MAGI1: variants seen among roughly 807,000 people sequenced by gnomAD.
MAGI1 encodes membrane-associated guanylate kinase, WW and PDZ domain-containing protein 1.
A neutral mutation model predicts 139.9 loss-of-function variants in MAGI1; 58 were observed. That is an observed-to-expected ratio of 0.41 (90% CI 0.34 to 0.52). MAGI1 has a LOEUF of 0.52. MAGI1 is among the 20% of genes least tolerant of loss of function. The probability of loss-of-function intolerance (pLI) is 0.12; values close to 1 mark genes in which losing one functional copy is unlikely to be tolerated. For missense variants in MAGI1, 1,874 were observed against 1,901.6 expected, an observed-to-expected ratio of 0.99 and a Z score of 0.27; for synonymous variants, 812 against 737.9, an observed-to-expected ratio of 1.10 and a Z score of -1.63.
chr3:65,709,564 T>C (rs1011195954), intron 1 of MAGI1, among the ~76,000 whole-genome samples: 1 of 152,172 alleles, frequency 6.6e-6, no homozygotes, highest in African/African-American at 2.4e-5. Context: ...GATACCAAAT[T>C]AGAGACAACA....
At position 65,379,548 on chromosome 3, in the gene MAGI1, T is replaced by C. The variant is rs748935727; in HGVS notation, c.2708A>G (p.Lys903Arg). The change falls in exon 17 of 23, where the codon AAA (lysine) becomes AGA (arginine). Residue 903 changes from lysine (K) to arginine (R), a missense_variant. This residue lies in a region of MAGI1 where 482 missense variants were observed against 509.6 expected (regional missense o/e 0.95). Transcript: ENST00000402939. ...VRRKVVFAVP[K>R]TENEVPSPAS... ...TGGCGAGGGCACCTCGTTCTCGGTT[T>C]TGGGCACTGTAGCAGAGAGATGCAC... 7.5e-6 allele frequency: 12 copies of C among 1,608,580 alleles called. 1 individual carries two copies. The South Asian group carries it at 1.2e-4, about 16-fold the overall frequency.
intron 1 of MAGI1, among the ~76,000 whole-genome samples, chr3:65,805,330 T>C (rs922741548): frequency 7.2e-5 from 11 of 152,206 alleles, no homozygotes; most frequent in African/African-American, 1.9e-4. Flanking sequence ...AACAAACGTA[T>C]GAAAAAAAGC....
intron 2 of MAGI1, among the ~76,000 whole-genome samples, chr3:65,525,504 G>C (rs2078340771): frequency 6.6e-6 from 1 of 152,158 alleles, no homozygotes; most frequent in Admixed American, 6.5e-5. Context: ...ACAGTAATCT[G>C]AGAAATGTTC....
intron 1 of MAGI1, among the ~76,000 whole-genome samples, chr3:65,664,443 G>A (rs1331921697): frequency 6.6e-6 from 1 of 152,158 alleles, no homozygotes; most frequent in African/African-American, 2.4e-5. Context: ...CTACAAGGTA[G>A]CTTCTGATAT....
intron 4 of MAGI1, among the ~76,000 whole-genome samples, chr3:65,475,183 T>A (rs1288804085): frequency 6.6e-6 from 1 of 152,116 alleles, no homozygotes; most frequent in African/African-American, 2.4e-5. Context: ...TCTGTTACTT[T>A]TTAGTTGTGG....
At chr3:65,966,705 G>A (rs956014039) in intron 1 of MAGI1, among the ~76,000 whole-genome samples, 1 of 152,122 alleles carries the variant, frequency 6.6e-6, no homozygotes, top group Non-Finnish European at 1.5e-5. Context: ...TGCTAATTAC[G>A]AGGCATCAGC....
intron 12 of MAGI1, among the ~76,000 whole-genome samples, chr3:65,423,708 T>G (rs948580603): frequency 2.0e-5 from 3 of 152,184 alleles, no homozygotes; most frequent in Non-Finnish European, 4.4e-5. Flanking sequence ...ACCAGCTAAT[T>G]TGGGTAAACC....
chr3:65,643,546 T>C (rs2085099151), intron 1 of MAGI1, among the ~76,000 whole-genome samples: 1 of 152,120 alleles, frequency 6.6e-6, no homozygotes, highest in Non-Finnish European at 1.5e-5. Context: ...CTAGGAACCT[T>C]GGGACAAACC....
At chr3:65,527,846 C>T (rs940708734) in intron 2 of MAGI1, among the ~76,000 whole-genome samples, 5 of 150,198 alleles carry the variant, frequency 3.3e-5, no homozygotes, top group African/African-American at 1.2e-4. Context: ...ACCCAGGAGG[C>T]AGAGGTTGCG....
intron 1 of MAGI1, among the ~76,000 whole-genome samples, chr3:65,800,645 A>AT (rs1443670104): frequency 6.6e-6 from 1 of 152,008 alleles, no homozygotes; most frequent in East Asian, 1.9e-4. Context: ...GATTAAAAAA[A>AT]AAACTGATGT....
chr3:65,701,516 A>C (rs749559802), intron 1 of MAGI1, among the ~76,000 whole-genome samples: 1 of 151,976 alleles, frequency 6.6e-6, no homozygotes, highest in Non-Finnish European at 1.5e-5. Flanking sequence ...ACCTCCCAAA[A>C]TGCTAGGATT....
chr3:65,849,001 C>CTTTTTTTCTTTTT (rs2059106954), intron 1 of MAGI1, among the ~76,000 whole-genome samples: 2 of 39,636 alleles, frequency 5.0e-5, no homozygotes, highest in African/African-American at 1.9e-4. Context: ...TCAGAGCATT[C>CTTTTTTTCTTTTT]TTTTTTTTTT....
intron 1 of MAGI1, among the ~76,000 whole-genome samples, chr3:66,003,633 T>A (rs2066870272): frequency 6.6e-6 from 1 of 152,110 alleles, no homozygotes; most frequent in African/African-American, 2.4e-5. Flanking sequence ...AATTTTTGTA[T>A]TTTTAGTATT....
chr3:65,950,907 T>C (rs1299197154), intron 1 of MAGI1, among the ~76,000 whole-genome samples: 3 of 150,866 alleles, frequency 2.0e-5, no homozygotes, highest in African/African-American at 7.3e-5. Context: ...AAGAATTGTC[T>C]TGGACCGCAC....
At chr3:65,610,751 CAGTATATATATAGCATATA>C (rs2083017719) in intron 2 of MAGI1, among the ~76,000 whole-genome samples, 6 of 21,156 alleles carry the variant, frequency 2.8e-4, no homozygotes, top group East Asian at 9.1e-4. Context: ...AGTATATATA[CAGTATATATATAGCATATA>C]TATATACTGT....
intron 1 of MAGI1, chr3:65,688,461 A>G (rs1431966666): frequency 2.1e-6 from 1 of 476,744 alleles, no homozygotes; most frequent in East Asian, 4.8e-5. Flanking sequence ...ATGGAAACTC[A>G]AAAGTGACCT....
chr3:65,446,045 A>T (rs116558416), intron 7 of MAGI1, among the ~76,000 whole-genome samples: 5 of 152,312 alleles, frequency 3.3e-5, no homozygotes, highest in Non-Finnish European at 7.3e-5. Context: ...GGCAAAAATC[A>T]AAGGTTTTAT....
intron 7 of MAGI1, among the ~76,000 whole-genome samples, chr3:65,444,946 C>T (rs140906318): frequency 1.8e-4 from 27 of 152,208 alleles, no homozygotes; most frequent in Non-Finnish European, 3.4e-4. Flanking sequence ...AATGGGTCAT[C>T]GATTTTAAAT....
At chr3:65,445,982 C>G (rs1303083852) in intron 7 of MAGI1, among the ~76,000 whole-genome samples, 2 of 152,120 alleles carry the variant, frequency 1.3e-5, no homozygotes, top group African/African-American at 2.4e-5. Flanking sequence ...GTGAATGCAA[C>G]AGAAAACAGT....
Sources: allele counts gnomAD v4.1 joint callset (sites outside exome capture counted in the v4.1 genomes callset), GRCh38; gene constraint gnomAD v4.1.1; regional missense constraint gnomAD v4.1.1; transcripts MANE v1.5; gene names NCBI Gene and HGNC (gene_info 2026-07-23, HGNC 2026-07-21).